Variants in BRMS1 observed in about 807,000 individuals in gnomAD.
The protein encoded by BRMS1 is BRMS1 transcriptional repressor and anoikis regulator.
In BRMS1, 26 loss-of-function variants were observed where a neutral mutation model predicts 40.4. The observed-to-expected ratio is 0.64, with a 90% CI of 0.47 to 0.89. The LOEUF (loss-of-function observed/expected upper bound fraction) is 0.89. Ranked by LOEUF, BRMS1 falls within the 40% of genes least tolerant of loss-of-function variation. The probability of loss-of-function intolerance (pLI) is 0.00; values close to 1 mark genes in which losing one functional copy is unlikely to be tolerated. For missense variants in BRMS1, 289 were observed against 309.4 expected, an observed-to-expected ratio of 0.93 and a Z score of 0.49; for synonymous variants, 103 against 116.0, an observed-to-expected ratio of 0.89 and a Z score of 0.72.
intron 6 of BRMS1, 104 bp from the exon 7 acceptor site, chr11:66,340,317 G>T: frequency 1.1e-6 from 1 of 939,560 alleles, no homozygotes; most frequent in Non-Finnish European, 1.7e-6. Context: ...CATCTCCCCT[G>T]TCCCATCACC....
rs750296700 is a variant in BRMS1 at position 66,341,582 on chromosome 11, C to A, written c.181G>T (p.Val61Phe). 4.3e-6 allele frequency: 7 copies of A among 1,614,170 alleles called. No individual in the cohort carries two copies. The highest frequency in any genetic ancestry group is 5.9e-6 in the Non-Finnish European group (7 of 1,180,036). The change falls in exon 3 of 10, where the codon GTC (valine) becomes TTC (phenylalanine). Residue 61 changes from valine (V) to phenylalanine (F), a missense_variant. Transcript: ENST00000359957. The surrounding 1 kb of genome is among the most constrained non-coding windows in gnomAD (Gnocchi z 4.9). ...EDYERRRSECVSEMLDLEKQF... is the reference protein window; with the variant it reads ...EDYERRRSECFSEMLDLEKQF... ...TTCTCTAGGTCCAGCATCTCACTGA[C>A]ACACTCGCTGCGGCGTCGCTCATAG...
At chr11:66,339,749 A>T in intron 7 of BRMS1, 1 of 198,832 alleles carries the variant, frequency 5.0e-6, no homozygotes, top group Non-Finnish European at 1.1e-5. Context: ...GGTGCACACC[A>T]CCACGCCTGG....
chr11:66,344,498 G>A (rs2134970688), intron 1 of BRMS1: 1 of 152,314 alleles, frequency 6.6e-6, no homozygotes, highest in Admixed American at 6.5e-5. Context: ...CACTTTGTAA[G>A]ATGCAGCTTA....
chr11:66,338,248 G>T lies in BRMS1; in HGVS notation c.728C>A (p.Ser243Ter). 6.2e-7 allele frequency: 1 copy of T among 1,611,454 alleles called. No individual in the cohort carries two copies. The highest frequency in any genetic ancestry group is 8.5e-7 in the Non-Finnish European group (1 of 1,178,744). ...RAAVSPQKRK[S>*]DGP ...GCAACAGCCATGGTTCTTACCATCC[G>T]ATTTTCTCTTCTGAGGGGACACAGC... The change falls in exon 9 of 10, where the codon TCG becomes TAG. Residue 243 changes from serine to a stop codon, truncating the protein, a stop_gained. Coordinates refer to ENST00000359957, the MANE Select transcript of BRMS1 (RefSeq NM_015399.4). LOFTEE classifies it high-confidence loss of function.
At position 66,341,435 on chromosome 11, in the gene BRMS1, G is replaced by C; in HGVS notation, c.230+98C>G. On this transcript the variant is annotated intron_variant, in intron 3 of 9. Coordinates refer to ENST00000359957, the MANE Select transcript of BRMS1 (RefSeq NM_015399.4). The surrounding 1 kb of genome is among the most constrained non-coding windows in gnomAD (Gnocchi z 4.9). ...CCACAGCAAGCCCGGTGTTAGGCGCGCACTTCCTGGGCACCAACCACGCCT... is the reference window on the plus strand; with the variant it reads ...CCACAGCAAGCCCGGTGTTAGGCGCCCACTTCCTGGGCACCAACCACGCCT... The C allele has an allele frequency of 6.3e-7, 1 of 1,599,504 alleles. No individual in the cohort carries two copies. The highest frequency in any genetic ancestry group is 8.6e-7 in the Non-Finnish European group (1 of 1,168,804).
intron 6 of BRMS1, 91 bp from the exon 7 acceptor site, chr11:66,340,304 C>T (rs1403365701): frequency 2.7e-6 from 3 of 1,096,046 alleles, no homozygotes; most frequent in Non-Finnish European, 4.1e-6. Context: ...GCCGGCCTGG[C>T]CTCATCTCCC....
chr11:66,339,905 TTC>T (rs1590927655), intron 7 of BRMS1: 3 of 475,152 alleles, frequency 6.3e-6, no homozygotes, highest in African/African-American at 3.9e-5. Context: ...CCCAGCCCGT[TTC>T]TGTTTTCCTA....
rs1215774167 is a variant in BRMS1, at chr11:66,337,768, C to T, written c.*114G>A. The T allele has an allele frequency of 1.2e-6, 2 of 1,613,640 alleles. No homozygotes were observed. Among genetic ancestry groups the T allele is most frequent in the Admixed American group, 3.3e-5 (2 of 60,024 alleles). ...GAGGGCCCAGCAGCACCACAGGAGC[C>T]TGGCTGGGCAGACCCTGAGGGGCCT... On this transcript the variant is annotated 3_prime_UTR_variant, in exon 10 of 10. Coordinates refer to ENST00000359957, the MANE Select transcript of BRMS1 (RefSeq NM_015399.4).
intron 1 of BRMS1, among the ~76,000 whole-genome samples, chr11:66,344,291 T>C (rs1192459047): frequency 6.6e-6 from 1 of 152,194 alleles, no homozygotes; most frequent in African/African-American, 2.4e-5. Context: ...CCTGTAATGG[T>C]AGCAAGCTTT....
chr11:66,340,677 G>A (rs1590928345), intron 6 of BRMS1, 97 bp downstream of exon 6: 11 of 1,059,032 alleles, frequency 1.0e-5, no homozygotes, highest in Non-Finnish European at 1.4e-5. Context: ...CAGGTCCTCT[G>A]GCTGTCCCCT....
In BRMS1 at chr11:66,341,397, C is replaced by A; in HGVS notation, c.231-64G>T. 4 of 1,604,362 alleles carry A rather than the reference C, an allele frequency of 2.5e-6. No individual in the cohort carries two copies. Among genetic ancestry groups the A allele is most frequent in the Non-Finnish European group, 3.4e-6 (4 of 1,173,052 alleles). On this transcript the variant is annotated intron_variant, in intron 3 of 9. Coordinates refer to ENST00000359957, the MANE Select transcript of BRMS1 (RefSeq NM_015399.4). The surrounding 1 kb of genome is among the most constrained non-coding windows in gnomAD (Gnocchi z 4.9). The stretch of plus-strand genomic sequence containing the variant: ...CCCATCGCTCTTGGGCAAACACATA[C>A]CCAGCACCCATTCCACAGCAAGCCC...
At chr11:66,338,564 A>T in intron 8 of BRMS1, 157 bp downstream of exon 8, 1 of 1,536,784 alleles carries the variant, frequency 6.5e-7, no homozygotes, top group South Asian at 1.2e-5. Flanking sequence ...CGCCTTGAGC[A>T]AGAGGACTTG....
chr11:66,338,343 C>A, intron 8 of BRMS1, 61 bp from the exon 9 acceptor site: 1 of 1,561,426 alleles, frequency 6.4e-7, no homozygotes, highest in Non-Finnish European at 8.7e-7. Flanking sequence ...AATCCCTGCC[C>A]CACCCCCCAC....
At chr11:66,344,117 G>C (rs577559212) in intron 1 of BRMS1, among the ~76,000 whole-genome samples, 54 of 152,266 alleles carry the variant, frequency 3.5e-4, no homozygotes, top group African/African-American at 1.3e-3. Flanking sequence ...ATCTGTCCCC[G>C]CAATCAGTCT....
In BRMS1 at chr11:66,341,340, G is replaced by A; in HGVS notation, c.231-7C>T. 1 of 1,611,054 alleles carries A rather than the reference G, an allele frequency of 6.2e-7. No individual in the cohort carries two copies. ...CAGTCGTTCCCTGAACAACCTGCGT[G>A]GTAAAAAGGCAGCCGTGCACCCATT... On this transcript the variant is annotated splice_polypyrimidine_tract_variant and splice_region_variant and intron_variant, in intron 3 of 9. Coordinates refer to ENST00000359957, the MANE Select transcript of BRMS1 (RefSeq NM_015399.4). This position sits in a 1 kb window ranked among gnomAD's most constrained non-coding sequence, Gnocchi z 4.9.
At position 66,340,972 on chromosome 11, in the gene BRMS1, G is replaced by C; in HGVS notation, c.433C>G (p.Leu145Val). The C allele has an allele frequency of 6.2e-7, 1 of 1,614,126 alleles. No homozygotes were observed. Among genetic ancestry groups the C allele is most frequent in the Non-Finnish European group, 8.5e-7 (1 of 1,180,010 alleles). Residue 145 changes from leucine to valine, a missense_variant, in exon 5 of 10, where the codon CTG (leucine) becomes GTG (valine). Leu to Val is a conservative substitution (Grantham distance 32, BLOSUM62 1). Transcript: ENST00000359957. ...GTGTGCCCAATCAGGCCCACCTCCA[G>C]GTGCTGTTTGGCTCCCTGCAGCTCA... ...ECELQGAKQH[L>V]ESEKLLLYDT...
Position 66,340,802 on chromosome 11 carries a change from C to G in BRMS1, c.507G>C (p.Glu169Asp). ...ELQERIQRLE[E>D]DRQSLDLSSE... ...AGCTGAGGTCCAGGCTCTGGCGGTC[C>G]TCCTCCAGCCTCTGGATCCGCTCCT... The change falls in exon 6 of 10, where the codon GAG becomes GAC. Residue 169 changes from glutamate to aspartate, a missense_variant. Coordinates refer to ENST00000359957, the MANE Select transcript of BRMS1 (RefSeq NM_015399.4). 1 of 1,613,312 alleles carries G rather than the reference C, an allele frequency of 6.2e-7. No individual in the cohort carries two copies. The highest frequency in any genetic ancestry group is 1.1e-5 in the South Asian group (1 of 91,054).
intron 1 of BRMS1, 34 bp downstream of exon 1, chr11:66,344,938 G>A (rs1855170724): frequency 1.3e-5 from 2 of 152,406 alleles, no homozygotes; most frequent in Middle Eastern, 3.4e-3. Flanking sequence ...TAACCGGAGA[G>A]GGCGAACCAA....
intron 9 of BRMS1, 128 bp downstream of exon 9, chr11:66,338,115 C>G (rs1326663569): frequency 2.9e-6 from 4 of 1,364,558 alleles, no homozygotes; most frequent in Admixed American, 2.1e-5. Flanking sequence ...TCTAGACCAT[C>G]CTAACTTTCT....
Sources: gnomAD v4.1 joint callset for allele counts (sites outside exome capture counted in the v4.1 genomes callset) on GRCh38, gnomAD v4.1.1 for gene constraint, Gnocchi (gnomAD v3.1) non-coding constraint, MANE v1.5 for transcripts, NCBI Gene and HGNC (gene_info 2026-07-23, HGNC 2026-07-21) for gene names.